TUBGCP4: variants seen among roughly 807,000 people sequenced by gnomAD.
TUBGCP4 encodes the protein gamma-tubulin complex component 4.
In TUBGCP4, 54 loss-of-function variants were observed where a neutral mutation model predicts 91.6. The ratio of observed to expected loss-of-function variants is 0.59; its 90% CI spans 0.47 to 0.74. The LOEUF is 0.74. Ranked by LOEUF, TUBGCP4 falls within the 30% of genes least tolerant of loss-of-function variation. TUBGCP4 has a pLI of 0.00. For missense variants in TUBGCP4, 593 were observed against 800.9 expected (o/e 0.74, Z 3.13); for synonymous variants, 297 against 302.8 (o/e 0.98, Z 0.20).
intron 11 of TUBGCP4, among the ~76,000 whole-genome samples, chr15:43,396,901 T>C (rs542795833): frequency 3.4e-4 from 51 of 152,160 alleles, no homozygotes; most frequent in Non-Finnish European, 7.1e-4. Context: ...CAATATAGCA[T>C]AACAAAGTAG....
In TUBGCP4 at chr15:43,407,837, G is replaced by A. The variant is rs2044964199; in HGVS notation, c.*2623G>A. 2 of 1,173,026 alleles carry A rather than the reference G, an allele frequency of 1.7e-6. No individual in the cohort carries two copies. Among genetic ancestry groups the A allele is most frequent in the Admixed American group, 2.3e-5 (1 of 43,370 alleles). 72.7% of individuals were successfully genotyped at this position (1,173,026 alleles called of 1,614,324 possible). On this transcript the variant is annotated 3_prime_UTR_variant, in exon 18 of 18. Coordinates refer to ENST00000564079, the MANE Select transcript of TUBGCP4 (RefSeq NM_014444.5). ...GGTACTTTTCTTCTCTAAGAAACAT[G>A]GATACGGTCAACCTATTAGGCCTGA... is the stretch of plus-strand genomic sequence containing the variant.
chr15:43,383,243 G>T, intron 6 of TUBGCP4, 60 bp from the exon 7 acceptor site: 1 of 1,434,634 alleles, frequency 7.0e-7, no homozygotes, highest in South Asian at 1.4e-5. Flanking sequence ...TCAGGCCTCT[G>T]TTTATCCTGT....
At chr15:43,400,384 C>CATTTT (rs1044634598) in intron 14 of TUBGCP4, among the ~76,000 whole-genome samples, 163 bp downstream of exon 14, 8 of 152,012 alleles carry the variant, frequency 5.3e-5, no homozygotes, top group Admixed American at 2.6e-4. Context: ...ATAAAAAAAG[C>CATTTT]ATTTTATTTT....
At chr15:43,404,289 G>A (rs750321974) in intron 16 of TUBGCP4, 124 bp from the exon 17 acceptor site, 2 of 1,159,888 alleles carry the variant, frequency 1.7e-6, no homozygotes, top group Non-Finnish European at 2.4e-6. Context: ...AATGTGGGAA[G>A]GCCAGGTGGT....
At chr15:43,373,465 A>G (rs574337148) in intron 1 of TUBGCP4, among the ~76,000 whole-genome samples, 2 of 152,288 alleles carry the variant, frequency 1.3e-5, no homozygotes, top group South Asian at 2.1e-4. Flanking sequence ...AGCACTAGCT[A>G]TGTGGTTGGG....
At chr15:43,405,101 A>G in intron 17 of TUBGCP4, 101 bp from the exon 18 acceptor site, 2 of 1,376,490 alleles carry the variant, frequency 1.5e-6, no homozygotes, top group Non-Finnish European at 2.0e-6. Context: ...TTCAGTTTTA[A>G]GATGACATTA....
At chr15:43,386,534 G>A (rs1254270748) in intron 9 of TUBGCP4, among the ~76,000 whole-genome samples, 1 of 148,232 alleles carries the variant, frequency 6.7e-6, no homozygotes, top group Non-Finnish European at 1.5e-5. Flanking sequence ...AGACCAGCCC[G>A]GCCAACATGG....
In TUBGCP4 at chr15:43,374,008, A is replaced by G. The variant is rs569077640; in HGVS notation, c.79-2090A>G. Among the ~76,000 whole-genome samples the G allele has an allele frequency of 3.4e-4, 52 of 152,336 alleles. 1 individual carries two copies. The South Asian group carries it at 5.8e-3, about 17-fold the overall frequency. ...AACCTCTTAAGTTACTAACTTGAAG[A>G]TGTGATTAGCATTGTGTCATTAAAA... On this transcript the variant is annotated intron_variant, in intron 1 of 17. Transcript: ENST00000564079.
At chr15:43,385,984 C>T in intron 8 of TUBGCP4, 28 bp downstream of exon 8, 1 of 1,611,184 alleles carries the variant, frequency 6.2e-7, no homozygotes, top group East Asian at 2.2e-5. Flanking sequence ...CAATGTACCA[C>T]ACCCTCAAAA....
chr15:43,380,286 A>G, intron 6 of TUBGCP4, 123 bp downstream of exon 6: 1 of 872,588 alleles, frequency 1.1e-6, no homozygotes, highest in African/African-American at 1.7e-5. Flanking sequence ...ACCAGGATAG[A>G]AAAAGCTCCA....
At chr15:43,374,055 A>C (rs1472221647) in intron 1 of TUBGCP4, among the ~76,000 whole-genome samples, 1 of 152,150 alleles carries the variant, frequency 6.6e-6, no homozygotes, top group African/African-American at 2.4e-5. Flanking sequence ...TGGATTCCTA[A>C]TCAATTTTCT....
intron 6 of TUBGCP4, among the ~76,000 whole-genome samples, chr15:43,381,789 T>G (rs1388683959): frequency 6.6e-6 from 1 of 152,130 alleles, no homozygotes; most frequent in South Asian, 2.1e-4. Context: ...TTTCACCATT[T>G]GTTAACATTT....
chr15:43,400,519 T>G (rs1335922883), intron 14 of TUBGCP4, among the ~76,000 whole-genome samples: 2 of 152,194 alleles, frequency 1.3e-5, no homozygotes, highest in African/African-American at 4.8e-5. Flanking sequence ...TGCCTCAGCC[T>G]CTCAAGTAGC....
chr15:43,402,396 G>C (rs957222595), intron 15 of TUBGCP4: 34 of 152,786 alleles, frequency 2.2e-4, no homozygotes, highest in African/African-American at 7.2e-4. Context: ...AGCTACAGAT[G>C]AAAGAATTAT....
intron 9 of TUBGCP4, among the ~76,000 whole-genome samples, chr15:43,390,117 C>T (rs148713145): frequency 2.0e-5 from 3 of 152,168 alleles, no homozygotes; most frequent in East Asian, 3.9e-4. Flanking sequence ...AGACTGTACC[C>T]TTCTTTTCCT....
rs2044944421 is a variant in TUBGCP4 at position 43,407,502 on chromosome 15, C to T, written c.*2288C>T. 1 of 1,614,112 alleles carries T rather than the reference C, an allele frequency of 6.2e-7. No homozygotes were observed. The highest frequency in any genetic ancestry group is 1.3e-5 in the African/African-American group (1 of 74,938). On this transcript the variant is annotated 3_prime_UTR_variant, in exon 18 of 18. Coordinates refer to ENST00000564079, the MANE Select transcript of TUBGCP4 (RefSeq NM_014444.5). ...ACCACAGGCAGCTGCAATGCTTCAG[C>T]ACACTTCAGCACCGAGGCTGGGCAT...
At chr15:43,372,769 C>G (rs2044143770) in intron 1 of TUBGCP4, among the ~76,000 whole-genome samples, 1 of 152,196 alleles carries the variant, frequency 6.6e-6, no homozygotes, top group African/African-American at 2.4e-5. Context: ...TTTCTCTGAG[C>G]ACATCTTTAA....
intron 1 of TUBGCP4, among the ~76,000 whole-genome samples, chr15:43,372,917 G>A (rs1002739641): frequency 2.6e-5 from 4 of 152,134 alleles, no homozygotes; most frequent in Non-Finnish European, 4.4e-5. Flanking sequence ...GAAGACCAGT[G>A]GTCTTCTTCA....
At chr15:43,374,956 G>A (rs1316803856) in intron 1 of TUBGCP4, among the ~76,000 whole-genome samples, 1 of 152,210 alleles carries the variant, frequency 6.6e-6, no homozygotes, top group Non-Finnish European at 1.5e-5. Flanking sequence ...AGGCTGGAGG[G>A]CAGTGGTGCA....
Sources: gnomAD v4.1 joint callset for allele counts (sites outside exome capture counted in the v4.1 genomes callset) on GRCh38, gnomAD v4.1.1 for gene constraint, MANE v1.5 for transcripts, NCBI Gene and HGNC (gene_info 2026-07-23, HGNC 2026-07-21) for gene names.